The following GATAD2B variants were observed in gnomAD, a reference collection of about 807,000 sequenced individuals.
The protein encoded by GATAD2B is GATA zinc finger domain containing 2B, also known as transcriptional repressor p66-beta.
GATAD2B carries 8 observed loss-of-function variants against 64.3 expected under a neutral mutation model. That is an observed-to-expected ratio of 0.12 (90% CI 0.07 to 0.22). The LOEUF is 0.22. GATAD2B is among the 10% of genes least tolerant of loss of function. The probability of loss-of-function intolerance (pLI) is 1.00; values close to 1 mark genes in which losing one functional copy is unlikely to be tolerated. For missense variants in GATAD2B, 453 were observed against 752.0 expected (o/e 0.60, Z 4.65); for synonymous variants, 281 against 271.3 (o/e 1.04, Z -0.35).
intron 1 of GATAD2B, among the ~76,000 whole-genome samples, chr1:153,828,625 G>A (rs1336959203): frequency 6.6e-6 from 1 of 151,402 alleles, no homozygotes; most frequent in Admixed American, 6.6e-5. Context: ...GTTGACACGT[G>A]CCCTTAATTC....
chr1:153,865,723 G>A (rs538795922), intron 1 of GATAD2B, among the ~76,000 whole-genome samples: 2 of 152,178 alleles, frequency 1.3e-5, no homozygotes, highest in Admixed American at 6.5e-5. Context: ...AAAAATACCA[G>A]AGGCAATTTG....
rs1293815019 is a variant in GATAD2B at position 153,817,489 on chromosome 1, C to T, written c.783G>A (p.Met261Ile). The change falls in exon 6 of 11, where the codon ATG (methionine) becomes ATA (isoleucine). Residue 261 changes from methionine (M) to isoleucine (I), a missense_variant. Met to Ile is a conservative substitution (Grantham distance 10). This residue lies in a region of GATAD2B where 293 missense variants were observed against 417.2 expected (regional missense o/e 0.70). Transcript: ENST00000368655. The stretch of plus-strand genomic sequence containing the variant: ...GGTTTGGTGCAATAACACGTTGAGA[C>T]ATCAACATGTGTGGAAGGGTGGTAT... ...ATNTTLPHML[M>I]SQRVIAPNPA... is the part of the protein sequence containing the mutation. 6.2e-7 allele frequency: 1 copy of T among 1,612,444 alleles called. No homozygotes were observed. Among genetic ancestry groups the T allele is most frequent in the Non-Finnish European group, 8.5e-7 (1 of 1,179,358 alleles).
chr1:153,874,256 C>T (rs61804839), intron 1 of GATAD2B, among the ~76,000 whole-genome samples: 19,356 of 141,960 alleles, frequency 0.14, 1,717 homozygotes, highest in East Asian at 0.51. Context: ...AGCAACACTC[C>T]GTCTCAAAAG....
intron 1 of GATAD2B, among the ~76,000 whole-genome samples, chr1:153,846,554 G>A (rs1330299596): frequency 1.5e-5 from 2 of 132,246 alleles, no homozygotes; most frequent in Non-Finnish European, 3.2e-5. Context: ...TGTTCTTTGC[G>A]TTCTTTTTTT....
At chr1:153,833,665 T>C (rs1294162010) in intron 1 of GATAD2B, among the ~76,000 whole-genome samples, 2 of 151,582 alleles carry the variant, frequency 1.3e-5, no homozygotes, top group African/African-American at 4.8e-5. Context: ...AAATACAAAA[T>C]TAGGCTTGGC....
At chr1:153,857,517 G>A (rs4845578) in intron 1 of GATAD2B, among the ~76,000 whole-genome samples, 44,109 of 151,924 alleles carry the variant, frequency 0.29, 6,648 homozygotes, top group Admixed American at 0.39. Flanking sequence ...CTTTTCTACT[G>A]TAGGCACTAA....
intron 7 of GATAD2B, among the ~76,000 whole-genome samples, chr1:153,815,281 AAAAAAAAAAAAC>A (rs1393187083): frequency 1.5e-4 from 11 of 75,614 alleles, no homozygotes; most frequent in East Asian, 2.2e-4. Context: ...TCAAAAAAAC[AAAAAAAAAAAAC>A]AAAAAAAAAA....
intron 8 of GATAD2B, among the ~76,000 whole-genome samples, chr1:153,812,739 T>C (rs1674336831): frequency 6.6e-6 from 1 of 151,900 alleles, no homozygotes; most frequent in Non-Finnish European, 1.5e-5. Flanking sequence ...ATGGGTGGAG[T>C]GGGAAATAGG....
At chr1:153,911,300 T>G (rs981717909) in intron 1 of GATAD2B, among the ~76,000 whole-genome samples, 1 of 151,798 alleles carries the variant, frequency 6.6e-6, no homozygotes, top group African/African-American at 2.4e-5. Context: ...GAGGAGAGAA[T>G]GAGAGAGATA....
chr1:153,890,128 C>T (rs556117698), intron 1 of GATAD2B, among the ~76,000 whole-genome samples: 3 of 147,892 alleles, frequency 2.0e-5, no homozygotes, highest in Non-Finnish European at 3.0e-5. Flanking sequence ...GCCAAGATCG[C>T]GCCATTGCAC....
chr1:153,825,176 T>C (rs1361854818), intron 2 of GATAD2B, among the ~76,000 whole-genome samples: 2 of 152,190 alleles, frequency 1.3e-5, no homozygotes, highest in Non-Finnish European at 2.9e-5. Flanking sequence ...TCTTTAACTC[T>C]TTCTCCCCAA....
intron 1 of GATAD2B, chr1:153,852,992 C>T: frequency 1.9e-6 from 2 of 1,061,766 alleles, no homozygotes; most frequent in Admixed American, 3.4e-5. Flanking sequence ...GTGCCAGTCA[C>T]TACCCCTTTG....
chr1:153,849,511 A>G (rs1675813176), intron 1 of GATAD2B, among the ~76,000 whole-genome samples: 1 of 152,242 alleles, frequency 6.6e-6, no homozygotes, highest in Admixed American at 6.5e-5. Flanking sequence ...ACATCTTAGC[A>G]AATGACACCA....
intron 1 of GATAD2B, among the ~76,000 whole-genome samples, chr1:153,922,288 TAA>T (rs570451535): frequency 1.7e-5 from 2 of 116,188 alleles, no homozygotes; most frequent in Admixed American, 8.8e-5. Context: ...TGGAGAGAGT[TAA>T]AAAAAAAAAG....
At chr1:153,878,774 CTTTT>C (rs71093297) in intron 1 of GATAD2B, among the ~76,000 whole-genome samples, 5 of 108,138 alleles carry the variant, frequency 4.6e-5, no homozygotes, top group South Asian at 3.1e-4. Context: ...TACTTTATTC[CTTTT>C]TTTTTTTTTT....
At chr1:153,837,285 G>C (rs1363710717) in intron 1 of GATAD2B, among the ~76,000 whole-genome samples, 1 of 151,672 alleles carries the variant, frequency 6.6e-6, no homozygotes, top group Non-Finnish European at 1.5e-5. Flanking sequence ...AGTGTCAGGA[G>C]TTGAAGACTA....
At chr1:153,845,392 G>GA (rs35860233) in intron 1 of GATAD2B, among the ~76,000 whole-genome samples, 125 of 141,546 alleles carry the variant, frequency 8.8e-4, no homozygotes, top group Middle Eastern at 3.6e-3. Context: ...GTAAAAAAAA[G>GA]AAAAAAAAAA....
At chr1:153,890,347 A>G (rs1416166795) in intron 1 of GATAD2B, among the ~76,000 whole-genome samples, 1 of 151,018 alleles carries the variant, frequency 6.6e-6, no homozygotes, top group Non-Finnish European at 1.5e-5. Context: ...AATTAGCCGG[A>G]CGTGGTGGCA....
intron 1 of GATAD2B, among the ~76,000 whole-genome samples, chr1:153,874,044 G>A (rs1410026082): frequency 6.6e-6 from 1 of 152,058 alleles, no homozygotes; most frequent in Admixed American, 6.6e-5. Flanking sequence ...TGGATCATGA[G>A]GTCAAGAGAT....
Sources: gnomAD v4.1 joint callset for allele counts (sites outside exome capture counted in the v4.1 genomes callset) on GRCh38, gnomAD v4.1.1 for gene constraint, gnomAD v4.1.1 regional missense constraint, MANE v1.5 for transcripts, NCBI Gene and HGNC (gene_info 2026-07-23, HGNC 2026-07-21) for gene names.